Variants in DYNLL2 observed in about 807,000 individuals in gnomAD.
DYNLL2 encodes dynein light chain 2, cytoplasmic.
DYNLL2 carries 1 observed loss-of-function variant against 9.7 expected under a neutral mutation model. The observed-to-expected ratio is 0.10, with a 90% CI of 0.04 to 0.49. The LOEUF (loss-of-function observed/expected upper bound fraction) is 0.49. Ranked by LOEUF, DYNLL2 falls within the 20% of genes least tolerant of loss-of-function variation. DYNLL2 has a pLI of 0.95. For missense variants in DYNLL2, 37 were observed against 115.2 expected (o/e 0.32, Z 3.11); for synonymous variants, 35 against 40.5 (o/e 0.86, Z 0.52).
chr17:58,084,622 G>T (rs954897591), intron 1 of DYNLL2, among the ~76,000 whole-genome samples: 1 of 152,206 alleles, frequency 6.6e-6, no homozygotes. Context: ...ACCTCTCTCA[G>T]ATGCCTGGGG....
In DYNLL2 at chr17:58,093,995, A is replaced by G. The variant is rs2075789475; in HGVS notation, c.*4716A>G. The G allele has an allele frequency of 6.6e-6, 1 of 152,138 alleles. No homozygotes were observed. The highest frequency in any genetic ancestry group is 1.5e-5 in the Non-Finnish European group (1 of 68,044). The allele number at this position is 152,138 out of a possible 1,614,324, so 9.4% of individuals were successfully genotyped here. On this transcript the variant is annotated 3_prime_UTR_variant, in exon 3 of 3. Transcript: ENST00000579991. ...AATATAGAGGTTCATAAGAAAGATA[A>G]AAGAGAACCAGCAGAACCCCAGGTT...
Position 58,089,721 on chromosome 17 carries a change from G to A in DYNLL2, c.*442G>A, listed in dbSNP as rs1598089072. ...ATGCTGCTTTGGGAGGGCCAGGGAG[G>A]CTGCAGGGGGACAGTGTTGGGATTG... is the stretch of plus-strand genomic sequence containing the variant. On this transcript the variant is annotated 3_prime_UTR_variant, in exon 3 of 3. Coordinates refer to ENST00000579991, the MANE Select transcript of DYNLL2 (RefSeq NM_080677.3). 1.2e-5 allele frequency: 5 copies of A among 406,504 alleles called. No individual in the cohort carries two copies. Among genetic ancestry groups the A allele is most frequent in the Middle Eastern group, 6.2e-4 (1 of 1,618 alleles). The allele number at this position is 406,504 out of a possible 1,614,324, so 25.2% of individuals were successfully genotyped here.
Position 58,094,423 on chromosome 17 carries a change from C to T in DYNLL2, c.*5144C>T, listed in dbSNP as rs1189964319. ...CCCCCCTCACACCCTATTGCACCACCAGCCTTCTCCCTCCCTGCTCAATTA... is the reference window on the plus strand; with the variant it reads ...CCCCCCTCACACCCTATTGCACCACTAGCCTTCTCCCTCCCTGCTCAATTA... On this transcript the variant is annotated 3_prime_UTR_variant, in exon 3 of 3. Transcript: ENST00000579991. 2 of 152,154 alleles carry T rather than the reference C, an allele frequency of 1.3e-5. No individual in the cohort carries two copies. Among genetic ancestry groups the T allele is most frequent in the Non-Finnish European group, 2.9e-5 (2 of 68,042 alleles). 9.4% of individuals were successfully genotyped at this position (152,154 alleles called of 1,614,324 possible).
chr17:58,084,699 T>C (rs1224898398), intron 1 of DYNLL2, among the ~76,000 whole-genome samples: 1 of 152,184 alleles, frequency 6.6e-6, no homozygotes, highest in Non-Finnish European at 1.5e-5. Context: ...AAGGTGGCTT[T>C]TAATTACTGT....
At position 58,094,203 on chromosome 17, in the gene DYNLL2, G is replaced by C. The variant is rs1268006198; in HGVS notation, c.*4924G>C. 1 of 152,154 alleles carries C rather than the reference G, an allele frequency of 6.6e-6. No individual in the cohort carries two copies. Among genetic ancestry groups the C allele is most frequent in the Non-Finnish European group, 1.5e-5 (1 of 68,028 alleles). 9.4% of individuals were successfully genotyped at this position (152,154 alleles called of 1,614,324 possible). On this transcript the variant is annotated 3_prime_UTR_variant, in exon 3 of 3. Coordinates refer to ENST00000579991, the MANE Select transcript of DYNLL2 (RefSeq NM_080677.3). ...TCGAATCTCAGCTCCAACACCCACT[G>C]GATGAACGTGGACAAGCTGCTTGAT...
rs1444767433 is a variant in DYNLL2 at position 58,089,845 on chromosome 17, G to A, written c.*566G>A. 2 of 398,822 alleles carry A rather than the reference G, an allele frequency of 5.0e-6. No individual in the cohort carries two copies. The highest frequency in any genetic ancestry group is 8.8e-6 in the Non-Finnish European group (2 of 226,270). The allele number at this position is 398,822 out of a possible 1,614,324, so 24.7% of individuals were successfully genotyped here. A position where few individuals can be genotyped will look rare whatever the true frequency, so the allele number is the denominator to read the frequency against. ...ATTCTATGGCTTGGGGCGGAGGGTG[G>A]GGTGGGGATGCCTTCTTTAGGGGCC... On this transcript the variant is annotated 3_prime_UTR_variant, in exon 3 of 3. Coordinates refer to ENST00000579991, the MANE Select transcript of DYNLL2 (RefSeq NM_080677.3).
At chr17:58,085,067 T>C (rs1358278539) in intron 1 of DYNLL2, among the ~76,000 whole-genome samples, 1 of 152,148 alleles carries the variant, frequency 6.6e-6, no homozygotes, top group Non-Finnish European at 1.5e-5. Flanking sequence ...TTGAACAGGG[T>C]TCTCCGAATC....
Position 58,089,713 on chromosome 17 carries a change from C to G in DYNLL2, c.*434C>G, listed in dbSNP as rs997435911. 49 of 406,344 alleles carry G rather than the reference C, an allele frequency of 1.2e-4. No individual in the cohort carries two copies. Among genetic ancestry groups the G allele is most frequent in the African/African-American group, 9.5e-4 (46 of 48,676 alleles). 25.2% of individuals were successfully genotyped at this position (406,344 alleles called of 1,614,324 possible). A position where few individuals can be genotyped will look rare whatever the true frequency, so the allele number is the denominator to read the frequency against. On this transcript the variant is annotated 3_prime_UTR_variant, in exon 3 of 3. Coordinates refer to ENST00000579991, the MANE Select transcript of DYNLL2 (RefSeq NM_080677.3). ...GGCGGTGGATGCTGCTTTGGGAGGG[C>G]CAGGGAGGCTGCAGGGGGACAGTGT...
chr17:58,087,287 G>C, intron 2 of DYNLL2, 65 bp downstream of exon 2: 1 of 1,595,578 alleles, frequency 6.3e-7, no homozygotes, highest in South Asian at 1.1e-5. Flanking sequence ...AACCTCCAGG[G>C]AGATCTGGAG....
At chr17:58,088,282 G>T (rs542909669) in intron 2 of DYNLL2, among the ~76,000 whole-genome samples, 8 of 152,328 alleles carry the variant, frequency 5.3e-5, no homozygotes, top group Middle Eastern at 3.4e-3. Flanking sequence ...GATTGAAGCT[G>T]GGTTTAGTAT....
rs2075743486 is a variant in DYNLL2 at position 58,083,481 on chromosome 17, T to TGC, written c.-211_-210insCG. 6.8e-6 allele frequency: 1 copy of TGC among 146,764 alleles called. No individual in the cohort carries two copies. The highest frequency in any genetic ancestry group is 1.5e-5 in the Non-Finnish European group (1 of 66,186). The allele number at this position is 146,764 out of a possible 1,614,324, so 9.1% of individuals were successfully genotyped here. A position where few individuals can be genotyped will look rare whatever the true frequency, so the allele number is the denominator to read the frequency against. On this transcript the variant is annotated 5_prime_UTR_variant, in exon 1 of 3. Transcript: ENST00000579991. ...GGAGCGGGCGGGCGGGCGGGCGGCG[T>TGC]GAGGCGGAGCGCGGGCGGCCGGCGA...
intron 1 of DYNLL2, among the ~76,000 whole-genome samples, chr17:58,086,464 C>G (rs755650015): frequency 3.3e-5 from 5 of 152,300 alleles, no homozygotes; most frequent in South Asian, 2.1e-4. Context: ...TTTACAACAA[C>G]TCGCGATAGA....
chr17:58,089,360 A>T lies in DYNLL2; in HGVS notation c.*81A>T. On this transcript the variant is annotated 3_prime_UTR_variant, in exon 3 of 3. Coordinates refer to ENST00000579991, the MANE Select transcript of DYNLL2 (RefSeq NM_080677.3). ...GCTGGGACTGTTTTGCACTGGAGCC[A>T]GCATCAGGATGTCCTCTCCAATGGC... is the stretch of plus-strand genomic sequence containing the variant. The T allele has an allele frequency of 6.5e-7, 1 of 1,546,056 alleles. No homozygotes were observed. The highest frequency in any genetic ancestry group is 8.8e-7 in the Non-Finnish European group (1 of 1,136,028).
chr17:58,085,024 T>G (rs1241607289), intron 1 of DYNLL2, among the ~76,000 whole-genome samples: 1 of 152,252 alleles, frequency 6.6e-6, no homozygotes, highest in Non-Finnish European at 1.5e-5. Flanking sequence ...ATGAAGATGT[T>G]GATTTGCCCA....
rs1254268026 is a variant in DYNLL2, at chr17:58,089,350, C to T, written c.*71C>T. The stretch of plus-strand genomic sequence containing the variant: ...AGGCGGCGTTGCTGGGACTGTTTTG[C>T]ACTGGAGCCAGCATCAGGATGTCCT... On this transcript the variant is annotated 3_prime_UTR_variant, in exon 3 of 3. Transcript: ENST00000579991. The T allele has an allele frequency of 8.3e-6, 13 of 1,566,938 alleles. No individual in the cohort carries two copies. The highest frequency in any genetic ancestry group is 8.7e-6 in the Non-Finnish European group (10 of 1,150,770).
chr17:58,092,320 TC>T lies in DYNLL2; in HGVS notation c.*3044del, dbSNP rs2075782979. On this transcript the variant is annotated 3_prime_UTR_variant, in exon 3 of 3. Transcript: ENST00000579991. ...CAGGGCCAAAGCTCATCTACTTTCT[TC>T]CCTGATGAAAGAGGCAGTCCAGGTG... is the stretch of plus-strand genomic sequence containing the variant. 1 of 152,264 alleles carries T rather than the reference TC, an allele frequency of 6.6e-6. No homozygotes were observed. The highest frequency in any genetic ancestry group is 6.5e-5 in the Admixed American group (1 of 15,288). The allele number at this position is 152,264 out of a possible 1,614,324, so 9.4% of individuals were successfully genotyped here.
chr17:58,089,225 C>T lies in DYNLL2; in HGVS notation c.216C>T (p.His72=), dbSNP rs756035674. ...GCTACGTCACACACGAGACAAAGCA[C>T]TTCATCTATTTTTACTTGGGTCAAG... The part of the protein sequence containing the change: ...FGSYVTHETK[H]FIYFYLGQVA... Residue 72 remains histidine (H), a synonymous_variant, in exon 3 of 3, where the codon CAC becomes CAT. Transcript: ENST00000579991. 2 of 1,614,088 alleles carry T rather than the reference C, an allele frequency of 1.2e-6. No individual in the cohort carries two copies. The highest frequency in any genetic ancestry group is 2.2e-5 in the East Asian group (1 of 44,878).
rs1014844351 is a variant in DYNLL2 at position 58,090,918 on chromosome 17, T to A, written c.*1639T>A. On this transcript the variant is annotated 3_prime_UTR_variant, in exon 3 of 3. Transcript: ENST00000579991. ...GGGGAGGCAGGAGAATACCCCTCCC[T>A]AAGCCCTTAGTGTGTGCCGAGCTTG... The A allele has an allele frequency of 2.0e-5, 3 of 152,142 alleles. No homozygotes were observed. The highest frequency in any genetic ancestry group is 7.2e-5 in the African/African-American group (3 of 41,388). 9.4% of individuals were successfully genotyped at this position (152,142 alleles called of 1,614,324 possible).
intron 1 of DYNLL2, among the ~76,000 whole-genome samples, chr17:58,085,910 T>C (rs2075758326): frequency 1.3e-5 from 2 of 152,164 alleles, no homozygotes; most frequent in Non-Finnish European, 2.9e-5. Flanking sequence ...TCAGTACTTT[T>C]TGAATGAATG....
Sources: gnomAD v4.1 joint callset for allele counts (sites outside exome capture counted in the v4.1 genomes callset) on GRCh38, gnomAD v4.1.1 for gene constraint, MANE v1.5 for transcripts, NCBI Gene and HGNC (gene_info 2026-07-23, HGNC 2026-07-21) for gene names.